Variants in PCDH10 observed in about 807,000 individuals in gnomAD.
PCDH10 encodes protocadherin-10.
A neutral mutation model predicts 74.4 loss-of-function variants in PCDH10; 15 were observed. That is an observed-to-expected ratio of 0.20 (90% CI 0.13 to 0.31). PCDH10 has a LOEUF of 0.31. PCDH10 is among the 10% of genes least tolerant of loss of function. The probability of loss-of-function intolerance (pLI) is 1.00; values close to 1 mark genes in which losing one functional copy is unlikely to be tolerated. For missense variants in PCDH10, 1,260 were observed against 1,390.2 expected, an observed-to-expected ratio of 0.91 and a Z score of 1.49; for synonymous variants, 619 against 589.8, an observed-to-expected ratio of 1.05 and a Z score of -0.72.
In PCDH10 at chr4:133,150,771, G is replaced by A. The variant is rs373183851; in HGVS notation, c.631G>A (p.Gly211Arg). 4 of 1,592,926 alleles carry A rather than the reference G, an allele frequency of 2.5e-6. No homozygotes were observed. The highest frequency in any genetic ancestry group is 3.4e-5 in the Admixed American group (2 of 58,624). ...LTAVDGGGGG[G>R]VGEGGGGGGG... Reference sequence around the variant, plus strand: ...CGCGGTGGACGGAGGAGGTGGGGGAGGAGTAGGAGAAGGAGGGGGAGGTGG... The same window carrying A: ...CGCGGTGGACGGAGGAGGTGGGGGAAGAGTAGGAGAAGGAGGGGGAGGTGG... The change falls in exon 1 of 5, where the codon GGA becomes AGA. Residue 211 changes from glycine to arginine, a missense_variant. Coordinates refer to ENST00000264360, the MANE Select transcript of PCDH10 (RefSeq NM_032961.3).
At chr4:133,165,201 G>A (rs949881910) in intron 4 of PCDH10, among the ~76,000 whole-genome samples, 7 of 150,752 alleles carry the variant, frequency 4.6e-5, no homozygotes, top group East Asian at 1.9e-4. Context: ...TTGGGTTGAC[G>A]TGTGACCTGT....
intron 1 of PCDH10, chr4:133,153,206 C>T (rs1175630744): frequency 4.7e-6 from 5 of 1,061,638 alleles, no homozygotes; most frequent in Non-Finnish European, 1.2e-6. Context: ...TTTAACGATG[C>T]TTTTAGTCGC....
At chr4:133,207,534 G>A (rs991598850) in intron 2 of PCDH10, among the ~76,000 whole-genome samples, 1 of 151,768 alleles carries the variant, frequency 6.6e-6, no homozygotes, top group Admixed American at 6.6e-5. Flanking sequence ...TAAGTACTTT[G>A]TTAGCTCCAG....
At chr4:133,165,315 T>C (rs1351908067) in intron 4 of PCDH10, among the ~76,000 whole-genome samples, 1 of 151,260 alleles carries the variant, frequency 6.6e-6, no homozygotes, top group African/African-American at 2.4e-5. Context: ...TTTTTTTTAA[T>C]TTAACTTTTA....
Position 133,191,159 on chromosome 4 carries a change from A to C in PCDH10, c.*999A>C, listed in dbSNP as rs904550787. On this transcript the variant is annotated 3_prime_UTR_variant, in exon 5 of 5. Transcript: ENST00000264360. ...ATAAAGAATCGATAAATTCACCTGTATTTGTTGTTAGAAAAAAACTGGGTG... is the reference window on the plus strand; with the variant it reads ...ATAAAGAATCGATAAATTCACCTGTCTTTGTTGTTAGAAAAAAACTGGGTG... 1 of 152,338 alleles carries C rather than the reference A, an allele frequency of 6.6e-6. No individual in the cohort carries two copies. The highest frequency in any genetic ancestry group is 1.5e-5 in the Non-Finnish European group (1 of 67,880). The allele number at this position is 152,338 out of a possible 1,614,324, so 9.4% of individuals were successfully genotyped here.
At chr4:133,186,582 G>A (rs970149751) in intron 4 of PCDH10, among the ~76,000 whole-genome samples, 2 of 152,080 alleles carry the variant, frequency 1.3e-5, no homozygotes, top group Non-Finnish European at 2.9e-5. Context: ...ATATAGCCAT[G>A]TTACTTAACA....
chr4:133,167,452 G>T (rs1727109354), intron 4 of PCDH10, among the ~76,000 whole-genome samples: 1 of 151,460 alleles, frequency 6.6e-6, no homozygotes, highest in South Asian at 2.1e-4. Flanking sequence ...ATGTACCTCT[G>T]TATAGTGTTT....
chr4:133,161,378 A>G (rs1197182266), intron 3 of PCDH10, among the ~76,000 whole-genome samples: 2 of 152,138 alleles, frequency 1.3e-5, no homozygotes, highest in East Asian at 1.9e-4. Flanking sequence ...CCAAAATACT[A>G]GAGTTAAGTA....
chr4:133,150,827 G>A lies in PCDH10; in HGVS notation c.687G>A (p.Gln229=). The part of the protein sequence containing the change: ...GGGAGLPPQQ[Q]RTGTALLTIR... ...GAGCAGGCCTGCCCCCCCAGCAGCA[G>A]CGCACCGGCACGGCCCTACTCACCA... is the stretch of plus-strand genomic sequence containing the variant. Residue 229 remains glutamine (Q), a synonymous_variant, in exon 1 of 5, where the codon CAG becomes CAA. Coordinates refer to ENST00000264360, the MANE Select transcript of PCDH10 (RefSeq NM_032961.3). 6.3e-7 allele frequency: 1 copy of A among 1,590,496 alleles called. No homozygotes were observed. The highest frequency in any genetic ancestry group is 8.5e-7 in the Non-Finnish European group (1 of 1,169,904).
chr4:133,166,272 A>G (rs1410646306), intron 4 of PCDH10, among the ~76,000 whole-genome samples: 1 of 151,602 alleles, frequency 6.6e-6, no homozygotes, highest in Non-Finnish European at 1.5e-5. Flanking sequence ...GTTTTACTTT[A>G]CCTTTAATTT....
downstream of PCDH10, among the ~76,000 whole-genome samples, chr4:133,198,244 C>G (rs967798858): frequency 1.8e-4 from 28 of 151,742 alleles, no homozygotes; most frequent in African/African-American, 6.3e-4. Context: ...GACAGGGCTA[C>G]AAAGACTACA....
At chr4:133,171,770 A>G (rs756878573) in intron 4 of PCDH10, among the ~76,000 whole-genome samples, 4 of 152,134 alleles carry the variant, frequency 2.6e-5, no homozygotes, top group Non-Finnish European at 4.4e-5. Context: ...AAAAATTAGG[A>G]TAAAATTCTT....
chr4:133,207,015 AAAT>A (rs775992888), intron 2 of PCDH10, among the ~76,000 whole-genome samples: 27 of 152,156 alleles, frequency 1.8e-4, no homozygotes, highest in Non-Finnish European at 2.9e-4. Flanking sequence ...TCAATAAACA[AAAT>A]AATAAAATAT....
chr4:133,188,109 G>T (rs1727578764), intron 4 of PCDH10, among the ~76,000 whole-genome samples: 2 of 152,022 alleles, frequency 1.3e-5, no homozygotes, highest in African/African-American at 2.4e-5. Context: ...AACAGGAAAG[G>T]CCCCAACCCA....
intron 4 of PCDH10, among the ~76,000 whole-genome samples, chr4:133,171,995 G>A (rs7694852): frequency 0.49 from 74,653 of 151,530 alleles, 18,641 homozygotes; most frequent in Admixed American, 0.55. Flanking sequence ...TACAGAATCT[G>A]GAGCCTTCTC....
intron 4 of PCDH10, among the ~76,000 whole-genome samples, chr4:133,179,962 TA>T (rs1257133989): frequency 6.6e-6 from 1 of 152,048 alleles, no homozygotes; most frequent in Non-Finnish European, 1.5e-5. Flanking sequence ...TGAATGACAT[TA>T]AAAAAAGCAA....
chr4:133,203,503 G>A (rs1035103420), intron 2 of PCDH10, among the ~76,000 whole-genome samples: 2 of 152,072 alleles, frequency 1.3e-5, no homozygotes, highest in African/African-American at 4.8e-5. Context: ...GGTGTCATGG[G>A]TATTTTACCC....
At chr4:133,154,862 TTTTCTGTG>T (rs1726830445) in intron 2 of PCDH10, 47 bp from the exon 3 acceptor site, 2 of 1,221,306 alleles carry the variant, frequency 1.6e-6, no homozygotes, top group Non-Finnish European at 2.4e-6. Flanking sequence ...CAGAAGAATG[TTTTCTGTG>T]TTTCTTCACC....
intron 4 of PCDH10, among the ~76,000 whole-genome samples, chr4:133,176,803 A>G (rs1036754273): frequency 6.6e-6 from 1 of 152,062 alleles, no homozygotes; most frequent in Non-Finnish European, 1.5e-5. Context: ...TATTCTCATT[A>G]TTTTACTTAA....
Sources: gnomAD v4.1 joint callset for allele counts (sites outside exome capture counted in the v4.1 genomes callset) on GRCh38, gnomAD v4.1.1 for gene constraint, MANE v1.5 for transcripts, NCBI Gene and HGNC (gene_info 2026-07-23, HGNC 2026-07-21) for gene names.